The following XPO4 variants were observed in gnomAD, a reference collection of about 807,000 sequenced individuals.
XPO4 encodes the protein exportin 4, also known as exportin-4.
A neutral mutation model predicts 143.0 loss-of-function variants in XPO4; 39 were observed. The observed-to-expected ratio is 0.27, with a 90% CI of 0.21 to 0.36. The LOEUF (loss-of-function observed/expected upper bound fraction) is 0.36, where lower values mean the gene tolerates loss of function less well. Among genes scored for constraint, XPO4 ranks in the 10% least tolerant of loss-of-function variants. The pLI, the probability that XPO4 is intolerant of heterozygous loss-of-function variation, is 1.00. For missense variants in XPO4, 907 were observed against 1,348.0 expected (o/e 0.67, Z 5.12); for synonymous variants, 439 against 474.0 (o/e 0.93, Z 0.96).
chr13:20,863,672 A>G (rs867537453), intron 2 of XPO4, among the ~76,000 whole-genome samples: 2 of 152,328 alleles, frequency 1.3e-5, no homozygotes, highest in Middle Eastern at 3.4e-3. Context: ...AAACAGTTGA[A>G]ATGAAGTCAA....
chr13:20,822,930 T>C lies in XPO4; in HGVS notation c.841-641A>G, dbSNP rs561680771. On this transcript the variant is annotated intron_variant, in intron 7 of 22. Transcript: ENST00000255305. ...AAATCCATTTAAAGCTAACCTATAT[T>C]TTACTTCAGTGATACAATACGGACA... Among the ~76,000 whole-genome samples, 37 of 152,308 alleles carry C rather than the reference T, an allele frequency of 2.4e-4. 1 individual carries two copies. Among genetic ancestry groups the C allele is most frequent in the African/African-American group, 7.9e-4 (33 of 41,580 alleles).
intron 3 of XPO4, among the ~76,000 whole-genome samples, chr13:20,858,273 C>T (rs1284840067): frequency 6.6e-6 from 1 of 151,942 alleles, no homozygotes; most frequent in Non-Finnish European, 1.5e-5. Context: ...ATTATTCAGA[C>T]AATTGGGAAA....
rs117382395 is a variant in XPO4 at position 20,886,328 on chromosome 13, C to T, written c.69+16342G>A. On this transcript the variant is annotated intron_variant, in intron 1 of 22. Coordinates refer to ENST00000255305, the MANE Select transcript of XPO4 (RefSeq NM_022459.5). Reference sequence around the variant, plus strand: ...TAATGGAAATCAGAAAATGTATAAGCCAGGCTGGGCGCGTGGCTCACACCT... The same window carrying T: ...TAATGGAAATCAGAAAATGTATAAGTCAGGCTGGGCGCGTGGCTCACACCT... Among the ~76,000 whole-genome samples the T allele has an allele frequency of 3.0e-4, 45 of 152,136 alleles. No individual in the cohort carries two copies. The East Asian group carries it at 8.7e-3, about 29-fold the overall frequency.
In XPO4 at chr13:20,835,947, C is replaced by T. The variant is rs369438229; in HGVS notation, c.727+6948G>A. ...TGAACACTAAATATCATTTATCTTCCTTATAATTGTCTTAACAACATTTTC... is the reference window on the plus strand; with the variant it reads ...TGAACACTAAATATCATTTATCTTCTTTATAATTGTCTTAACAACATTTTC... On this transcript the variant is annotated intron_variant, in intron 6 of 22. Coordinates refer to ENST00000255305, the MANE Select transcript of XPO4 (RefSeq NM_022459.5). Among the ~76,000 whole-genome samples, 13 of 152,136 alleles carry T rather than the reference C, an allele frequency of 8.5e-5. No homozygotes were observed. In the South Asian group the frequency reaches 2.5e-3, roughly 29 times the overall value.
At chr13:20,856,719 C>T (rs1334250380) in intron 3 of XPO4, 3 of 491,738 alleles carry the variant, frequency 6.1e-6, no homozygotes, top group Non-Finnish European at 5.3e-6. Flanking sequence ...AGTGGCTGCT[C>T]CTCTCCTTGA....
rs898642458 is a variant in XPO4 at position 20,848,871 on chromosome 13, TA to T, written c.457-4986del. On this transcript the variant is annotated intron_variant, in intron 4 of 22. Coordinates refer to ENST00000255305, the MANE Select transcript of XPO4 (RefSeq NM_022459.5). ...ACAATGCAATGAGGTGTCAAAGTTA[TA>T]AAAAAAAGTCTAATTGTCTTCTTTC... The T allele has an allele frequency of 1.1e-4, 109 of 984,944 alleles. 1 individual carries two copies. The African/African-American group carries it at 1.1e-3, about 10-fold the overall frequency. The allele number at this position is 984,944 out of a possible 1,614,324, so 61.0% of individuals were successfully genotyped here. A position where few individuals can be genotyped will look rare whatever the true frequency, so the allele number is the denominator to read the frequency against.
At chr13:20,787,145 G>A in intron 21 of XPO4, 88 bp from the exon 22 acceptor site, 1 of 1,122,958 alleles carries the variant, frequency 8.9e-7, no homozygotes, top group Non-Finnish European at 1.3e-6. Context: ...AGAAGAGAGG[G>A]TTGGTTGTTA....
At chr13:20,830,373 C>G (rs1405433968) in intron 6 of XPO4, among the ~76,000 whole-genome samples, 1 of 152,160 alleles carries the variant, frequency 6.6e-6, no homozygotes, top group East Asian at 1.9e-4. Context: ...TGTTTGCCTT[C>G]TAACAAGAAT....
At chr13:20,834,645 TA>T (rs5802089) in intron 6 of XPO4, among the ~76,000 whole-genome samples, 132 of 144,276 alleles carry the variant, frequency 9.1e-4, no homozygotes, top group African/African-American at 2.2e-3. Context: ...TTGAAAGAAA[TA>T]AAAAAAAAAA....
At chr13:20,810,484 G>A (rs1280341798) in intron 9 of XPO4, among the ~76,000 whole-genome samples, 2 of 152,150 alleles carry the variant, frequency 1.3e-5, no homozygotes, top group Non-Finnish European at 2.9e-5. Flanking sequence ...ATAATTATTA[G>A]AGAAATACCA....
At chr13:20,851,841 G>C (rs1171114073) in intron 4 of XPO4, 2 of 985,106 alleles carry the variant, frequency 2.0e-6, no homozygotes, top group East Asian at 1.1e-4. Context: ...ACTATGAAGA[G>C]AGCAAAATCT....
intron 1 of XPO4, among the ~76,000 whole-genome samples, chr13:20,879,806 A>G (rs951245100): frequency 6.6e-6 from 1 of 152,200 alleles, no homozygotes; most frequent in Non-Finnish European, 1.5e-5. Context: ...AATACTATAA[A>G]TCATTTACTT....
At chr13:20,902,342 C>G in intron 1 of XPO4, 3 of 985,432 alleles carry the variant, frequency 3.0e-6, no homozygotes, top group Non-Finnish European at 3.6e-6. Context: ...GGGATAACCC[C>G]AACTCCTTCC....
chr13:20,833,779 G>C lies in XPO4; in HGVS notation c.728-6600C>G, dbSNP rs528958326. 2.4e-4 allele frequency among the ~76,000 whole-genome samples: 36 copies of C among 152,242 alleles called. 1 individual carries two copies. The highest frequency in any genetic ancestry group is 7.7e-4 in the African/African-American group (32 of 41,554). ...AGGCTGAAGTACAATTAGGTGATCAGGCAAAGAGAGAGGACCCAGGCAGAG... is the reference window on the plus strand; with the variant it reads ...AGGCTGAAGTACAATTAGGTGATCACGCAAAGAGAGAGGACCCAGGCAGAG... On this transcript the variant is annotated intron_variant, in intron 6 of 22. Transcript: ENST00000255305.
intron 22 of XPO4, among the ~76,000 whole-genome samples, chr13:20,785,977 A>G (rs769909908): frequency 5.2e-3 from 95 of 18,278 alleles, no homozygotes; most frequent in Non-Finnish European, 8.9e-3. Flanking sequence ...AGAAAAAGAG[A>G]GGAAGGAAGG....
At chr13:20,897,181 A>G (rs554705787) in intron 1 of XPO4, among the ~76,000 whole-genome samples, 1 of 152,332 alleles carries the variant, frequency 6.6e-6, no homozygotes, top group East Asian at 1.9e-4. Flanking sequence ...TCTTTCAAAT[A>G]AGAAAAGTAG....
At chr13:20,829,978 T>TA (rs1424181999) in intron 6 of XPO4, among the ~76,000 whole-genome samples, 2 of 152,342 alleles carry the variant, frequency 1.3e-5, no homozygotes, top group African/African-American at 4.8e-5. Flanking sequence ...TTATTTACAT[T>TA]AAGGGAAAAT....
chr13:20,796,305 T>TA (rs1305460767), intron 17 of XPO4, 49 bp from the exon 18 acceptor site: 13 of 1,353,454 alleles, frequency 9.6e-6, no homozygotes, highest in Non-Finnish European at 1.2e-5. Flanking sequence ...ACACTGACAT[T>TA]AAAAAAATTT....
At chr13:20,787,118 C>T in intron 21 of XPO4, 61 bp from the exon 22 acceptor site, 2 of 1,342,186 alleles carry the variant, frequency 1.5e-6, no homozygotes, top group Non-Finnish European at 2.0e-6. Flanking sequence ...TCCAGTCCCT[C>T]CCCAGTCCAA....
Sources: allele counts gnomAD v4.1 joint callset (sites outside exome capture counted in the v4.1 genomes callset), GRCh38; gene constraint gnomAD v4.1.1; transcripts MANE v1.5; gene names NCBI Gene and HGNC (gene_info 2026-07-23, HGNC 2026-07-21).